PTK7: variants seen among roughly 807,000 people sequenced by gnomAD.
The protein encoded by PTK7 is protein tyrosine kinase 7 (inactive), also known as inactive tyrosine-protein kinase 7.
In PTK7, 39 loss-of-function variants were observed where a neutral mutation model predicts 116.6. That is an observed-to-expected ratio of 0.33 (90% CI 0.26 to 0.44). The LOEUF (loss-of-function observed/expected upper bound fraction) is 0.44, where lower values mean the gene tolerates loss of function less well. PTK7 is among the 20% of genes least tolerant of loss of function. PTK7 has a pLI of 1.00. For missense variants in PTK7, 1,169 were observed against 1,425.6 expected, an observed-to-expected ratio of 0.82 and a Z score of 2.90; for synonymous variants, 546 against 563.6, an observed-to-expected ratio of 0.97 and a Z score of 0.44.
chr6:43,157,800 C>T (rs1771603053), intron 17 of PTK7, among the ~76,000 whole-genome samples: 1 of 152,016 alleles, frequency 6.6e-6, no homozygotes, highest in Non-Finnish European at 1.5e-5. Flanking sequence ...AATCTCGGCT[C>T]ACCACAACCT....
intron 1 of PTK7, among the ~76,000 whole-genome samples, chr6:43,077,788 T>G (rs1347953077): frequency 2.0e-5 from 3 of 152,206 alleles, no homozygotes; most frequent in African/African-American, 7.2e-5. Flanking sequence ...CTGCCAGCTG[T>G]GGAGGGGTTT....
Position 43,140,668 on chromosome 6 carries a change from G to A in PTK7, c.1619-1000G>A, listed in dbSNP as rs374896337. On this transcript the variant is annotated intron_variant, in intron 10 of 19. Transcript: ENST00000230419. Reference sequence around the variant, plus strand: ...TTTGGGAGGCCGAGGTGGGAGGATCGCTTGAGCCCAGGAGTTCAAGACCAA... The same window carrying A: ...TTTGGGAGGCCGAGGTGGGAGGATCACTTGAGCCCAGGAGTTCAAGACCAA... Among the ~76,000 whole-genome samples, 31 of 151,946 alleles carry A rather than the reference G, an allele frequency of 2.0e-4. No individual in the cohort carries two copies. In the East Asian group the frequency reaches 5.0e-3, roughly 25 times the overall value.
intron 1 of PTK7, among the ~76,000 whole-genome samples, chr6:43,128,466 T>C (rs1382358559): frequency 6.6e-6 from 1 of 152,224 alleles, no homozygotes; most frequent in African/African-American, 2.4e-5. Context: ...CTTTGTATCC[T>C]ACAGAGCACT....
rs1315676678 is a variant in PTK7, at chr6:43,141,681, C to G, written c.1632C>G (p.Leu544=). ...TTACCCCTGCAGATGGGAGCAGCCT[C>G]CCAGAGTGGGTGACAGACAACGCTG... ...IKWERADGSS[L]PEWVTDNAGT... is the part of the protein sequence containing the mutation. Residue 544 remains leucine, a synonymous_variant, in exon 11 of 20, where the codon CTC becomes CTG. Coordinates refer to ENST00000230419, the MANE Select transcript of PTK7 (RefSeq NM_002821.5). The surrounding 1 kb of genome is among the most constrained non-coding windows in gnomAD (Gnocchi z 4.9). The G allele has an allele frequency of 1.9e-6, 3 of 1,614,136 alleles. No individual in the cohort carries two copies. Among genetic ancestry groups the G allele is most frequent in the Middle Eastern group, 1.6e-4 (1 of 6,062 alleles).
chr6:43,133,068 T>G (rs1407196121), intron 7 of PTK7: 3 of 415,644 alleles, frequency 7.2e-6, no homozygotes, highest in African/African-American at 2.0e-5. Flanking sequence ...ATCTACTACC[T>G]ACCCCACAAG....
At chr6:43,117,804 C>T (rs1355951670) in intron 1 of PTK7, among the ~76,000 whole-genome samples, 7 of 151,928 alleles carry the variant, frequency 4.6e-5, no homozygotes, top group South Asian at 2.1e-4. Flanking sequence ...GGCATGGTGA[C>T]GGGTGCCTGT....
In PTK7 at chr6:43,141,738, T is replaced by C. The variant is rs1406982605; in HGVS notation, c.1689T>C (p.Asp563=). 4 of 1,613,982 alleles carry C rather than the reference T, an allele frequency of 2.5e-6. No individual in the cohort carries two copies. The highest frequency in any genetic ancestry group is 1.3e-5 in the African/African-American group (1 of 74,898). Residue 563 remains aspartate, a synonymous_variant, in exon 11 of 20, where the codon GAT becomes GAC. Coordinates refer to ENST00000230419, the MANE Select transcript of PTK7 (RefSeq NM_002821.5). This position sits in a 1 kb window ranked among gnomAD's most constrained non-coding sequence, Gnocchi z 4.9. ...TGCATTTTGCCCGGGTGACTCGAGA[T>C]GACGCTGGCAACTACACTTGCATTG... is the stretch of plus-strand genomic sequence containing the variant. ...GTLHFARVTR[D]DAGNYTCIAS...
chr6:43,109,701 CTT>C (rs869108681), intron 1 of PTK7, among the ~76,000 whole-genome samples: 22 of 139,716 alleles, frequency 1.6e-4, no homozygotes, highest in Non-Finnish European at 1.6e-4. Context: ...GGAGTATTTT[CTT>C]TTTTTTTTTT....
At chr6:43,095,940 C>G (rs1767226590) in intron 1 of PTK7, among the ~76,000 whole-genome samples, 1 of 152,156 alleles carries the variant, frequency 6.6e-6, no homozygotes, top group Non-Finnish European at 1.5e-5. Flanking sequence ...TACTTCAAAG[C>G]CCTTTTTATA....
At chr6:43,092,825 ATGGTTATCTGTGG>A (rs914527977) in intron 1 of PTK7, among the ~76,000 whole-genome samples, 2 of 151,986 alleles carry the variant, frequency 1.3e-5, no homozygotes, top group Non-Finnish European at 2.9e-5. Flanking sequence ...TATAATTGTG[ATGGTTATCTGTGG>A]TGGTTATAGC....
rs376896300 is a variant in PTK7 at position 43,157,326 on chromosome 6, CTATATA to C, written c.2722-1457_2722-1452del. 1.8e-3 allele frequency among the ~76,000 whole-genome samples: 40 copies of C among 22,008 alleles called. 1 individual carries two copies. The highest frequency in any genetic ancestry group is 2.5e-3 in the Non-Finnish European group (31 of 12,564). The allele number at this position is 22,008 out of a possible 152,430, so 14.4% of individuals were successfully genotyped here. A position where few individuals can be genotyped will look rare whatever the true frequency, so the allele number is the denominator to read the frequency against. ...GCGTGCACACACACAGACACACACG[CTATATA>C]TATATATATATATATATATATATAT... On this transcript the variant is annotated intron_variant, in intron 17 of 19. Coordinates refer to ENST00000230419, the MANE Select transcript of PTK7 (RefSeq NM_002821.5).
At chr6:43,096,726 T>C (rs1281158791) in intron 1 of PTK7, among the ~76,000 whole-genome samples, 1 of 152,232 alleles carries the variant, frequency 6.6e-6, no homozygotes. Context: ...CACCTGCGGC[T>C]GTGCTGGGCC....
intron 1 of PTK7, among the ~76,000 whole-genome samples, chr6:43,096,614 C>T (rs1582081059): frequency 6.6e-6 from 1 of 152,200 alleles, no homozygotes; most frequent in East Asian, 1.9e-4. Flanking sequence ...TGCACCTGGT[C>T]GCTGGGGTGG....
At chr6:43,125,146 T>G (rs571717213) in intron 1 of PTK7, among the ~76,000 whole-genome samples, 4 of 152,282 alleles carry the variant, frequency 2.6e-5, no homozygotes, top group African/African-American at 9.6e-5. Flanking sequence ...CATTCCAGCC[T>G]GGGCAACAAG....
At chr6:43,097,831 C>G (rs1006820816) in intron 1 of PTK7, among the ~76,000 whole-genome samples, 2 of 152,180 alleles carry the variant, frequency 1.3e-5, no homozygotes, top group Non-Finnish European at 2.9e-5. Flanking sequence ...GCTGAATTAG[C>G]TGCTGCTTTC....
chr6:43,149,059 CAAAAAAAAAAAAAA>C (rs59033917), intron 17 of PTK7, among the ~76,000 whole-genome samples: 1 of 69,834 alleles, frequency 1.4e-5, no homozygotes, highest in Non-Finnish European at 2.7e-5. Flanking sequence ...GACTTTGTCT[CAAAAAAAAAAAAAA>C]AAAAAAAAGA....
In PTK7 at chr6:43,159,802, TC is replaced by T; in HGVS notation, c.2890del (p.Arg964AlafsTer32). 1 of 1,614,190 alleles carries T rather than the reference TC, an allele frequency of 6.2e-7. No homozygotes were observed. Reference protein sequence around the residue: ...KDVYNSEYYHFRQAWVPLRWM... With the variant: ...KDVYNSEYYHXRQAWVPLRWM... ...CTCTCCTGCAGTGAGTACTACCACT[TC>T]CGCCAGGCCTGGGTGCCGCTGCGCT... On this transcript the variant is annotated frameshift_variant, in exon 19 of 20. Transcript: ENST00000230419. LOFTEE classifies it high-confidence loss of function.
intron 1 of PTK7, among the ~76,000 whole-genome samples, chr6:43,123,006 A>T (rs1769054818): frequency 6.6e-6 from 1 of 152,170 alleles, no homozygotes; most frequent in South Asian, 2.1e-4. Flanking sequence ...TTATTCACAC[A>T]GTCATGCTCC....
At chr6:43,146,460 C>T (rs1770733965) in intron 16 of PTK7, among the ~76,000 whole-genome samples, 158 bp from the exon 17 acceptor site, 2 of 62,474 alleles carry the variant, frequency 3.2e-5, no homozygotes, top group African/African-American at 1.5e-4. Flanking sequence ...TAAAGTTCTG[C>T]ACTCCCAGTG....
Sources: gnomAD v4.1 joint callset for allele counts (sites outside exome capture counted in the v4.1 genomes callset) on GRCh38, gnomAD v4.1.1 for gene constraint, Gnocchi (gnomAD v3.1) non-coding constraint, MANE v1.5 for transcripts, NCBI Gene and HGNC (gene_info 2026-07-23, HGNC 2026-07-21) for gene names.